C16orf87: variants seen among roughly 807,000 people sequenced by gnomAD.
The protein encoded by C16orf87 is HDAC and MIER1 interacting protein 1.
In C16orf87, 13 loss-of-function variants were observed where a neutral mutation model predicts 21.0. That is an observed-to-expected ratio of 0.62 (90% CI 0.40 to 0.98). The LOEUF is 0.98. Ranked by LOEUF, C16orf87 falls within the 50% of genes least tolerant of loss-of-function variation. The probability of loss-of-function intolerance (pLI) is 0.00; values close to 1 mark genes in which losing one functional copy is unlikely to be tolerated. For synonymous variants in C16orf87, 49 were observed against 60.2 expected (o/e 0.81, Z 0.86); for missense variants, 113 against 180.4 (o/e 0.63, Z 2.14).
rs956650732 is a variant in C16orf87, at chr16:46,826,494, T to C, written c.67-2012A>G. 3.3e-5 allele frequency among the ~76,000 whole-genome samples: 5 copies of C among 152,212 alleles called. No homozygotes were observed. The East Asian group carries it at 9.6e-4, about 29-fold the overall frequency. On this transcript the variant is annotated intron_variant, in intron 1 of 3. Transcript: ENST00000285697. The stretch of plus-strand genomic sequence containing the variant: ...ATAGAATCTAAACACTTGATCTAAT[T>C]GAGCTAAATTGAAATTTTGGCAGAA...
rs1191728374 is a variant in C16orf87, at chr16:46,801,619, C to T, written c.*1333G>A. On this transcript the variant is annotated 3_prime_UTR_variant, in exon 4 of 4. Coordinates refer to ENST00000285697, the MANE Select transcript of C16orf87 (RefSeq NM_001001436.4). ...GGAATCCTTAGGAAAATTCTTTATC[C>T]TATCTAGAGTACCTCTTAAGCTCCC... is the stretch of plus-strand genomic sequence containing the variant. The T allele has an allele frequency of 1.3e-5, 2 of 152,162 alleles. No homozygotes were observed. The highest frequency in any genetic ancestry group is 2.9e-5 in the Non-Finnish European group (2 of 68,030). 9.4% of individuals were successfully genotyped at this position (152,162 alleles called of 1,614,324 possible).
intron 3 of C16orf87, 114 bp downstream of exon 3, chr16:46,809,489 G>T: frequency 3.1e-6 from 2 of 641,098 alleles, no homozygotes; most frequent in Non-Finnish European, 5.5e-6. Flanking sequence ...ACTAAAATAT[G>T]AGTTGTGATT....
intron 3 of C16orf87, among the ~76,000 whole-genome samples, chr16:46,807,500 C>A (rs1453525289): frequency 6.6e-6 from 1 of 151,886 alleles, no homozygotes; most frequent in African/African-American, 2.4e-5. Context: ...TGGCCCACCA[C>A]CTGCTTTATA....
At chr16:46,821,146 A>C (rs1464473298) in intron 2 of C16orf87, among the ~76,000 whole-genome samples, 1 of 152,206 alleles carries the variant, frequency 6.6e-6, no homozygotes, top group East Asian at 1.9e-4. Flanking sequence ...AATTGTAAAA[A>C]CGAGAATTAC....
rs1205698048 is a variant in C16orf87 at position 46,798,235 on chromosome 16, A to G, written c.*4717T>C. 1 of 152,262 alleles carries G rather than the reference A, an allele frequency of 6.6e-6. No homozygotes were observed. The allele number at this position is 152,262 out of a possible 1,614,324, so 9.4% of individuals were successfully genotyped here. ...CAATAAACCAGAGCAGGTTCTTACA[A>G]AAGAGAAATGCAGCCGGGCACGGTG... On this transcript the variant is annotated 3_prime_UTR_variant, in exon 4 of 4. Transcript: ENST00000285697.
In C16orf87 at chr16:46,799,284, A is replaced by T. The variant is rs1329431415; in HGVS notation, c.*3668T>A. On this transcript the variant is annotated 3_prime_UTR_variant, in exon 4 of 4. Transcript: ENST00000285697. ...GGCAGCACAAAAGAATAATTTAAAA[A>T]AATAGTTCCCTAGAAAATAGATCCT... is the stretch of plus-strand genomic sequence containing the variant. 6.6e-6 allele frequency: 1 copy of T among 152,218 alleles called. No homozygotes were observed. The highest frequency in any genetic ancestry group is 2.4e-5 in the African/African-American group (1 of 41,464). The allele number at this position is 152,218 out of a possible 1,614,324, so 9.4% of individuals were successfully genotyped here. A position where few individuals can be genotyped will look rare whatever the true frequency, so the allele number is the denominator to read the frequency against.
chr16:46,821,492 G>A (rs1959411684), intron 2 of C16orf87, among the ~76,000 whole-genome samples: 1 of 152,114 alleles, frequency 6.6e-6, no homozygotes, highest in Admixed American at 6.6e-5. Context: ...CTCCTGCAGG[G>A]ATTTCTGGGC....
chr16:46,807,948 T>C (rs1967976140), intron 3 of C16orf87: 1 of 444,678 alleles, frequency 2.2e-6, no homozygotes, highest in Non-Finnish European at 4.5e-6. Context: ...ATTATCTGCT[T>C]TCTCATCTTC....
intron 1 of C16orf87, among the ~76,000 whole-genome samples, chr16:46,828,713 A>G (rs575446286): frequency 6.6e-6 from 1 of 152,348 alleles, no homozygotes; most frequent in South Asian, 2.1e-4. Context: ...TTATGTTTAT[A>G]AACTATACCT....
At chr16:46,826,289 A>G (rs1370501766) in intron 1 of C16orf87, among the ~76,000 whole-genome samples, 2 of 152,226 alleles carry the variant, frequency 1.3e-5, no homozygotes, top group Non-Finnish European at 2.9e-5. Context: ...GAATCAAGAC[A>G]TGTTCACCAA....
chr16:46,808,803 C>T (rs981682440), intron 3 of C16orf87, among the ~76,000 whole-genome samples: 1 of 151,794 alleles, frequency 6.6e-6, no homozygotes, highest in Non-Finnish European at 1.5e-5. Context: ...GGTAGATATT[C>T]GTCAGAAGAA....
chr16:46,824,960 G>A (rs1389589381), intron 1 of C16orf87, among the ~76,000 whole-genome samples: 1 of 151,764 alleles, frequency 6.6e-6, no homozygotes, highest in African/African-American at 2.4e-5. Context: ...CACCACACCC[G>A]GCCTGATACT....
At chr16:46,815,664 G>T (rs1968218982) in intron 2 of C16orf87, among the ~76,000 whole-genome samples, 1 of 151,960 alleles carries the variant, frequency 6.6e-6, no homozygotes, top group Non-Finnish European at 1.5e-5. Flanking sequence ...ACATCAATAA[G>T]AAAATGCAAA....
intron 2 of C16orf87, among the ~76,000 whole-genome samples, chr16:46,813,830 G>A (rs1459272128): frequency 1.3e-5 from 2 of 152,112 alleles, no homozygotes; most frequent in Non-Finnish European, 2.9e-5. Flanking sequence ...GTTACTTCCT[G>A]TAATCTACTA....
At chr16:46,830,399 T>G (rs930896092) in intron 1 of C16orf87, among the ~76,000 whole-genome samples, 9 of 148,682 alleles carry the variant, frequency 6.1e-5, no homozygotes, top group Non-Finnish European at 1.2e-4. Context: ...GGTGGGGAAG[T>G]TAGGAGCGCC....
intron 2 of C16orf87, among the ~76,000 whole-genome samples, chr16:46,814,297 G>A (rs1032369246): frequency 1.3e-5 from 2 of 152,170 alleles, no homozygotes; most frequent in African/African-American, 4.8e-5. Context: ...TACAGTAAGG[G>A]AGAGCAGGCC....
At chr16:46,828,814 G>A (rs990914649) in intron 1 of C16orf87, among the ~76,000 whole-genome samples, 5 of 151,972 alleles carry the variant, frequency 3.3e-5, no homozygotes, top group African/African-American at 1.2e-4. Flanking sequence ...ATCATATTCT[G>A]GCTTATAACT....
chr16:46,826,580 A>G (rs1959627891), intron 1 of C16orf87, among the ~76,000 whole-genome samples: 1 of 152,216 alleles, frequency 6.6e-6, no homozygotes, highest in Admixed American at 6.5e-5. Flanking sequence ...ATTTAAGAAA[A>G]ATAACAAAGA....
Position 46,799,759 on chromosome 16 carries a change from G to A in C16orf87, c.*3193C>T, listed in dbSNP as rs1283761072. The A allele has an allele frequency of 6.6e-6, 1 of 152,210 alleles. No homozygotes were observed. The highest frequency in any genetic ancestry group is 1.5e-5 in the Non-Finnish European group (1 of 68,052). 9.4% of individuals were successfully genotyped at this position (152,210 alleles called of 1,614,324 possible). ...CAGCCTCGAACTCCTGGGCTCAAGTGATCCTTTAGCCTCAGCTGCCTAGTA... is the reference window on the plus strand; with the variant it reads ...CAGCCTCGAACTCCTGGGCTCAAGTAATCCTTTAGCCTCAGCTGCCTAGTA... On this transcript the variant is annotated 3_prime_UTR_variant, in exon 4 of 4. Coordinates refer to ENST00000285697, the MANE Select transcript of C16orf87 (RefSeq NM_001001436.4).
Sources: allele counts gnomAD v4.1 joint callset (sites outside exome capture counted in the v4.1 genomes callset), GRCh38; gene constraint gnomAD v4.1.1; transcripts MANE v1.5; gene names NCBI Gene and HGNC (gene_info 2026-07-23, HGNC 2026-07-21).